Variants in ETV1 observed in about 807,000 individuals in gnomAD.
The protein encoded by ETV1 is ETS translocation variant 1.
A neutral mutation model predicts 62.3 loss-of-function variants in ETV1; 27 were observed. The ratio of observed to expected loss-of-function variants is 0.43; its 90% CI spans 0.32 to 0.60. ETV1 has a LOEUF of 0.60. Ranked by LOEUF, ETV1 falls within the 20% of genes least tolerant of loss-of-function variation. ETV1 has a pLI of 0.06. For synonymous variants in ETV1, 222 were observed against 199.6 expected, an observed-to-expected ratio of 1.11 and a Z score of -0.94; for missense variants, 605 against 605.8, an observed-to-expected ratio of 1.00 and a Z score of 0.01.
At chr7:13,934,478 G>C (rs891176843) in intron 8 of ETV1, among the ~76,000 whole-genome samples, 1 of 152,180 alleles carries the variant, frequency 6.6e-6, no homozygotes, top group Non-Finnish European at 1.5e-5. Context: ...TGCTGATCTA[G>C]AAGATTCCTT....
chr7:13,916,862 G>A (rs578154082), intron 9 of ETV1, among the ~76,000 whole-genome samples: 14 of 151,722 alleles, frequency 9.2e-5, no homozygotes, highest in Non-Finnish European at 1.8e-4. Context: ...AGCGCAGGAG[G>A]CAGAGGTTGC....
intron 5 of ETV1, among the ~76,000 whole-genome samples, chr7:13,977,752 T>C (rs992433974): frequency 1.3e-5 from 2 of 151,970 alleles, no homozygotes; most frequent in African/African-American, 4.8e-5. Context: ...CAGATGGAAA[T>C]AAAAGAGATG....
Position 13,939,149 on chromosome 7 carries a change from G to C in ETV1, c.333C>G (p.Phe111Leu). The C allele has an allele frequency of 6.2e-7, 1 of 1,613,300 alleles. No individual in the cohort carries two copies. The highest frequency in any genetic ancestry group is 8.5e-7 in the Non-Finnish European group (1 of 1,179,676). ...SACSQEQPFK[F>L]SYGEKCLYNV... ...TGTACAGGCACTTTTCTCCATAGCT[G>C]AATTTAAAGGGCTGTTCTTGACTGC... The change falls in exon 7 of 14, where the codon TTC (phenylalanine) becomes TTG (leucine). Residue 111 changes from phenylalanine (F) to leucine (L), a missense_variant. Phe to Leu is a conservative substitution (Grantham distance 22, BLOSUM62 0). Coordinates refer to ENST00000430479, the MANE Select transcript of ETV1 (RefSeq NM_004956.5).
intron 8 of ETV1, among the ~76,000 whole-genome samples, chr7:13,934,097 A>T (rs1281551872): frequency 6.6e-6 from 1 of 152,148 alleles, no homozygotes; most frequent in Non-Finnish European, 1.5e-5. Context: ...GTTCCCTTTC[A>T]GCTCTGCACA....
In ETV1 at chr7:13,892,353, A is replaced by G. The variant is rs113726848; in HGVS notation, c.*3513T>C. The G allele has an allele frequency of 5.4e-3, 1,267 of 232,702 alleles. 18 individuals carry two copies. Among genetic ancestry groups the G allele is most frequent in the African/African-American group, 0.026 (1,178 of 45,432 alleles). 14.4% of individuals were successfully genotyped at this position (232,702 alleles called of 1,614,324 possible). A position where few individuals can be genotyped will look rare whatever the true frequency, so the allele number is the denominator to read the frequency against. Reference sequence around the variant, plus strand: ...TGTGATTACCAGACATTTTAGTGGAATAGTTGAAATTTAATATAGAAAGTT... The same window carrying G: ...TGTGATTACCAGACATTTTAGTGGAGTAGTTGAAATTTAATATAGAAAGTT... On this transcript the variant is annotated 3_prime_UTR_variant, in exon 14 of 14. Coordinates refer to ENST00000430479, the MANE Select transcript of ETV1 (RefSeq NM_004956.5).
chr7:13,911,054 TAAC>T (rs1460316947), intron 10 of ETV1, among the ~76,000 whole-genome samples, 182 bp downstream of exon 10: 1 of 152,232 alleles, frequency 6.6e-6, no homozygotes, highest in African/African-American at 2.4e-5. Flanking sequence ...TGACTCATGT[TAAC>T]AACAAGATAC....
intron 6 of ETV1, among the ~76,000 whole-genome samples, chr7:13,953,590 T>C (rs539379219): frequency 6.6e-6 from 1 of 151,894 alleles, no homozygotes; most frequent in South Asian, 2.1e-4. Flanking sequence ...CAGATGGGCC[T>C]GCAGAATGTG....
intron 6 of ETV1, among the ~76,000 whole-genome samples, chr7:13,945,953 C>T (rs774810653): frequency 1.3e-5 from 2 of 152,180 alleles, no homozygotes; most frequent in African/African-American, 4.8e-5. Flanking sequence ...AACACGGCTC[C>T]AGCCTGCTGC....
In ETV1 at chr7:13,894,048, T is replaced by C. The variant is rs1366596655; in HGVS notation, c.*1818A>G. The C allele has an allele frequency of 4.3e-5, 10 of 232,882 alleles. No individual in the cohort carries two copies. The highest frequency in any genetic ancestry group is 7.6e-5 in the Non-Finnish European group (9 of 117,894). The allele number at this position is 232,882 out of a possible 1,614,324, so 14.4% of individuals were successfully genotyped here. A position where few individuals can be genotyped will look rare whatever the true frequency, so the allele number is the denominator to read the frequency against. ...ACTTAGAGAAATGAGCTGTGATCTG[T>C]GTAGTTTTGGAAAATGGGTAGCTGG... On this transcript the variant is annotated 3_prime_UTR_variant, in exon 14 of 14. Coordinates refer to ENST00000430479, the MANE Select transcript of ETV1 (RefSeq NM_004956.5).
chr7:13,932,543 C>T (rs765079279), intron 8 of ETV1, among the ~76,000 whole-genome samples: 2 of 152,270 alleles, frequency 1.3e-5, no homozygotes, highest in African/African-American at 2.4e-5. Context: ...GCTGTTAGGA[C>T]ATGAGGAAGT....
Position 13,970,303 on chromosome 7 carries a change from C to G in ETV1, c.235+7124G>C, listed in dbSNP as rs1227038195. On this transcript the variant is annotated intron_variant, in intron 6 of 13. Coordinates refer to ENST00000430479, the MANE Select transcript of ETV1 (RefSeq NM_004956.5). ...ACACACACACACACACACACACACA[C>G]ACACACACACACACACACACACAAA... is the stretch of plus-strand genomic sequence containing the variant. 5.9e-3 allele frequency among the ~76,000 whole-genome samples: 771 copies of G among 131,120 alleles called. 16 individuals carry two copies. Among genetic ancestry groups the G allele is most frequent in the African/African-American group, 0.019 (735 of 38,108 alleles). The allele number at this position is 131,120 out of a possible 152,430, so 86.0% of individuals were successfully genotyped here. A position where few individuals can be genotyped will look rare whatever the true frequency, so the allele number is the denominator to read the frequency against.
Position 13,911,394 on chromosome 7 carries a change from C to G in ETV1, c.803-87G>C, listed in dbSNP as rs114154910. 8.4e-4 allele frequency: 703 copies of G among 832,804 alleles called. 8 individuals are homozygous for G. In the African/African-American group the frequency reaches 0.011, roughly 13 times the overall value. The allele number at this position is 832,804 out of a possible 1,614,324, so 51.6% of individuals were successfully genotyped here. ...GGACAGGGTGCAGACAGAGAAGATA[C>G]AGAAACGGACACAGGTTCCAATGTG... On this transcript the variant is annotated intron_variant, in intron 9 of 13. Coordinates refer to ENST00000430479, the MANE Select transcript of ETV1 (RefSeq NM_004956.5).
In ETV1 at chr7:13,989,097, G is replaced by A. The variant is rs556867214; in HGVS notation, c.-45C>T. ...CTCAGCTCAGTATTTTATATTTTGAGCATTTAGCTGGAGATTTCCTCAGGA... is the reference window on the plus strand; with the variant it reads ...CTCAGCTCAGTATTTTATATTTTGAACATTTAGCTGGAGATTTCCTCAGGA... On this transcript the variant is annotated 5_prime_UTR_variant, in exon 3 of 14. Coordinates refer to ENST00000430479, the MANE Select transcript of ETV1 (RefSeq NM_004956.5). 2.6e-6 allele frequency: 4 copies of A among 1,528,656 alleles called. No homozygotes were observed. Among genetic ancestry groups the A allele is most frequent in the Non-Finnish European group, 3.6e-6 (4 of 1,119,112 alleles). 94.7% of individuals were successfully genotyped at this position (1,528,656 alleles called of 1,614,324 possible). A position where few individuals can be genotyped will look rare whatever the true frequency, so the allele number is the denominator to read the frequency against.
chr7:13,903,020 C>T (rs573489518), intron 12 of ETV1, among the ~76,000 whole-genome samples: 10 of 152,198 alleles, frequency 6.6e-5, no homozygotes, highest in African/African-American at 1.9e-4. Context: ...AAATTAACAG[C>T]GTAAATAATT....
intron 13 of ETV1, among the ~76,000 whole-genome samples, chr7:13,896,731 A>G (rs1484427960): frequency 4.1e-4 from 16 of 39,280 alleles, no homozygotes; most frequent in African/African-American, 1.7e-3. Flanking sequence ...AAGAAAAAGA[A>G]AAAGAAAGAA....
intron 6 of ETV1, among the ~76,000 whole-genome samples, chr7:13,963,666 A>G (rs1046765207): frequency 6.6e-6 from 1 of 152,132 alleles, no homozygotes; most frequent in African/African-American, 2.4e-5. Flanking sequence ...TAAAATTCAG[A>G]TGTTTGTATA....
chr7:13,914,493 T>C (rs1783925759), intron 9 of ETV1, among the ~76,000 whole-genome samples: 1 of 152,024 alleles, frequency 6.6e-6, no homozygotes, highest in Non-Finnish European at 1.5e-5. Flanking sequence ...TTTAATGCAC[T>C]AATCAATGTA....
chr7:13,986,005 G>A (rs1019220498), intron 5 of ETV1: 19 of 862,628 alleles, frequency 2.2e-5, no homozygotes, highest in Non-Finnish European at 3.3e-5. Flanking sequence ...AATAGCAAAG[G>A]TCAATTTCAG....
At chr7:13,921,680 C>A (rs180711959) in intron 9 of ETV1, among the ~76,000 whole-genome samples, 2 of 152,086 alleles carry the variant, frequency 1.3e-5, no homozygotes, top group Non-Finnish European at 2.9e-5. Flanking sequence ...AAATATTCAA[C>A]CTCCAATTTC....
Sources: allele counts gnomAD v4.1 joint callset (sites outside exome capture counted in the v4.1 genomes callset), GRCh38; gene constraint gnomAD v4.1.1; transcripts MANE v1.5; gene names NCBI Gene and HGNC (gene_info 2026-07-23, HGNC 2026-07-21).